The following GALNTL6 variants were observed in gnomAD, a reference collection of about 807,000 sequenced individuals.
The protein encoded by GALNTL6 is polypeptide N-acetylgalactosaminyltransferase like 6, also known as polypeptide N-acetylgalactosaminyltransferase-like 6.
A neutral mutation model predicts 73.7 loss-of-function variants in GALNTL6; 46 were observed. The observed-to-expected ratio is 0.62, with a 90% CI of 0.49 to 0.80. The LOEUF (loss-of-function observed/expected upper bound fraction) is 0.80, where lower values mean the gene tolerates loss of function less well. Among genes scored for constraint, GALNTL6 ranks in the 30% least tolerant of loss-of-function variants. GALNTL6 has a pLI of 0.00. For missense variants in GALNTL6, 604 were observed against 755.0 expected (o/e 0.80, Z 2.34); for synonymous variants, 259 against 263.7 (o/e 0.98, Z 0.17).
chr4:172,105,548 T>G (rs1192184958), intron 2 of GALNTL6, among the ~76,000 whole-genome samples: 1 of 151,810 alleles, frequency 6.6e-6, no homozygotes, highest in Non-Finnish European at 1.5e-5. Flanking sequence ...TGGCACCTTA[T>G]GGTGAAATTG....
At chr4:172,604,286 TATCTA>T (rs1406011125) in intron 5 of GALNTL6, among the ~76,000 whole-genome samples, 1 of 152,158 alleles carries the variant, frequency 6.6e-6, no homozygotes, top group African/African-American at 2.4e-5. Flanking sequence ...ATATATTACA[TATCTA>T]GGTGTCTCTG....
At chr4:171,830,371 C>T (rs6855872) in intron 2 of GALNTL6, among the ~76,000 whole-genome samples, 46,815 of 151,974 alleles carry the variant, frequency 0.31, 8,914 homozygotes, top group African/African-American at 0.55. Context: ...ATCTTTTTTC[C>T]TCTTTTTACT....
At chr4:172,210,953 A>G (rs558015542) in intron 2 of GALNTL6, among the ~76,000 whole-genome samples, 1 of 152,250 alleles carries the variant, frequency 6.6e-6, no homozygotes, top group South Asian at 2.1e-4. Flanking sequence ...TTCAAATTCC[A>G]GATTTGTAAT....
At chr4:172,301,042 A>C (rs1196969960) in intron 3 of GALNTL6, among the ~76,000 whole-genome samples, 1 of 151,950 alleles carries the variant, frequency 6.6e-6, no homozygotes, top group Non-Finnish European at 1.5e-5. Context: ...ATAGTCCCAT[A>C]TTTCTTGGAG....
At chr4:172,305,531 A>G (rs1740100040) in intron 3 of GALNTL6, among the ~76,000 whole-genome samples, 2 of 152,178 alleles carry the variant, frequency 1.3e-5, no homozygotes, top group African/African-American at 2.4e-5. Flanking sequence ...ATGTAGCAAT[A>G]GAGAAATAAT....
chr4:172,138,830 C>G (rs1733725227), intron 2 of GALNTL6, among the ~76,000 whole-genome samples: 1 of 151,638 alleles, frequency 6.6e-6, no homozygotes, highest in Non-Finnish European at 1.5e-5. Flanking sequence ...TATCTTTATT[C>G]CTGGCTACCC....
At chr4:171,870,747 G>A (rs1005012727) in intron 2 of GALNTL6, among the ~76,000 whole-genome samples, 10 of 152,132 alleles carry the variant, frequency 6.6e-5, no homozygotes, top group Non-Finnish European at 1.3e-4. Flanking sequence ...AGAGAAATTT[G>A]CAGACAGACA....
chr4:172,210,939 C>T (rs746694413), intron 2 of GALNTL6, among the ~76,000 whole-genome samples: 2 of 151,892 alleles, frequency 1.3e-5, no homozygotes, highest in African/African-American at 2.4e-5. Context: ...TTTTAATTTT[C>T]TTGTTCAAAT....
chr4:172,550,996 G>T (rs1288316351), intron 5 of GALNTL6, among the ~76,000 whole-genome samples: 2 of 152,182 alleles, frequency 1.3e-5, no homozygotes, highest in African/African-American at 4.8e-5. Flanking sequence ...GGACAGGGTT[G>T]AGAACTTCTT....
chr4:172,696,103 T>C (rs1255584410), intron 5 of GALNTL6, among the ~76,000 whole-genome samples: 1 of 152,240 alleles, frequency 6.6e-6, no homozygotes, highest in Non-Finnish European at 1.5e-5. Context: ...TGGGATTCAA[T>C]CAACACTAAG....
intron 5 of GALNTL6, among the ~76,000 whole-genome samples, chr4:172,393,182 A>G (rs534110891): frequency 6.6e-6 from 1 of 152,338 alleles, no homozygotes; most frequent in East Asian, 1.9e-4. Flanking sequence ...AGCCGCTGCT[A>G]TATATGAACA....
chr4:172,201,511 T>G (rs1735953858), intron 2 of GALNTL6, among the ~76,000 whole-genome samples: 1 of 150,934 alleles, frequency 6.6e-6, no homozygotes, highest in Non-Finnish European at 1.5e-5. Context: ...GGACTAGTTT[T>G]TTTTTTTTGT....
chr4:171,853,812 A>G (rs1179635155), intron 2 of GALNTL6, among the ~76,000 whole-genome samples: 2 of 151,608 alleles, frequency 1.3e-5, no homozygotes, highest in Non-Finnish European at 2.9e-5. Flanking sequence ...GGGTTTCACC[A>G]TGTTGGCCAG....
intron 2 of GALNTL6, among the ~76,000 whole-genome samples, chr4:171,846,516 TTGG>T (rs1735375211): frequency 6.6e-6 from 1 of 152,086 alleles, no homozygotes; most frequent in African/African-American, 2.4e-5. Context: ...GTAGCATCTG[TTGG>T]TGGAGTGGCC....
chr4:172,983,511 A>C (rs1023094990), intron 10 of GALNTL6, among the ~76,000 whole-genome samples: 13 of 152,174 alleles, frequency 8.5e-5, no homozygotes, highest in African/African-American at 2.9e-4. Flanking sequence ...CCTGGCCAAC[A>C]TGGTGAAACC....
At chr4:173,025,422 A>G (rs1753192263) in intron 12 of GALNTL6, among the ~76,000 whole-genome samples, 1 of 152,106 alleles carries the variant, frequency 6.6e-6, no homozygotes, top group African/African-American at 2.4e-5. Flanking sequence ...GGTCACTAAG[A>G]CTTGTCACCT....
intron 5 of GALNTL6, among the ~76,000 whole-genome samples, chr4:172,600,995 G>A (rs1442889164): frequency 6.6e-6 from 1 of 151,632 alleles, no homozygotes; most frequent in African/African-American, 2.4e-5. Context: ...AAATCAATAG[G>A]AACAAAACCA....
At chr4:172,924,352 A>G (rs1221951968) in intron 8 of GALNTL6, among the ~76,000 whole-genome samples, 2 of 152,330 alleles carry the variant, frequency 1.3e-5, no homozygotes, top group Admixed American at 1.3e-4. Context: ...ACTGTCTCCA[A>G]TTGAAAGAAG....
chr4:172,964,196 C>A (rs903409673), intron 10 of GALNTL6, among the ~76,000 whole-genome samples: 2 of 152,132 alleles, frequency 1.3e-5, no homozygotes, highest in African/African-American at 2.4e-5. Context: ...CTTTTTGTGT[C>A]AAGATGCTAA....
Sources: gnomAD v4.1 joint callset for allele counts (sites outside exome capture counted in the v4.1 genomes callset) on GRCh38, gnomAD v4.1.1 for gene constraint, MANE v1.5 for transcripts, NCBI Gene and HGNC (gene_info 2026-07-23, HGNC 2026-07-21) for gene names.